Variants in DHRS4L2 observed in about 807,000 individuals in gnomAD.
DHRS4L2 encodes dehydrogenase/reductase 4 like 2, also known as dehydrogenase/reductase SDR family member 4-like 2.
In DHRS4L2, 22 loss-of-function variants were observed where a neutral mutation model predicts 23.9. The observed-to-expected ratio is 0.92, with a 90% CI of 0.66 to 1.31. The LOEUF (loss-of-function observed/expected upper bound fraction) is 1.31, where lower values mean the gene tolerates loss of function less well. Among genes scored for constraint, DHRS4L2 ranks in the 40% most tolerant of loss-of-function variants. The pLI is 0.00. For missense variants in DHRS4L2, 385 were observed against 303.3 expected (o/e 1.27, Z -2.00); for synonymous variants, 141 against 123.7 (o/e 1.14, Z -0.93).
chr14:23,973,200 T>C (rs1297596880), intron 1 of DHRS4L2, among the ~76,000 whole-genome samples: 1 of 151,938 alleles, frequency 6.6e-6, no homozygotes, highest in Non-Finnish European at 1.5e-5. Flanking sequence ...CATGAGGCCA[T>C]ATTTCAGACT....
At position 23,977,884 on chromosome 14, in the gene DHRS4L2, C is replaced by A. The variant is rs142132089; in HGVS notation, c.-176+7552C>A. 9.2e-4 allele frequency among the ~76,000 whole-genome samples: 139 copies of A among 151,746 alleles called. 1 individual carries two copies. The highest frequency in any genetic ancestry group is 3.4e-3 in the Middle Eastern group (1 of 294). The stretch of plus-strand genomic sequence containing the variant: ...GTATCCTTCCCAAAAATAAACACTG[C>A]GTATAACTGATCAAATGGCTGTAAC... On this transcript the variant is annotated intron_variant, in intron 1 of 5. Transcript: ENST00000534993.
chr14:24,000,825 T>C (rs768414851), intron 3 of DHRS4L2, 38 bp from the exon 4 acceptor site: 2 of 1,577,936 alleles, frequency 1.3e-6, no homozygotes, highest in Non-Finnish European at 1.7e-6. Context: ...TCCAGTGCTC[T>C]TCACTCATGC....
Position 24,006,288 on chromosome 14 carries a change from T to C in DHRS4L2, c.*425T>C. The C allele has an allele frequency of 2.3e-6, 1 of 431,900 alleles. No individual in the cohort carries two copies. The highest frequency in any genetic ancestry group is 3.9e-6 in the Non-Finnish European group (1 of 259,068). 26.8% of individuals were successfully genotyped at this position (431,900 alleles called of 1,614,324 possible). A position where few individuals can be genotyped will look rare whatever the true frequency, so the allele number is the denominator to read the frequency against. On this transcript the variant is annotated 3_prime_UTR_variant, in exon 8 of 8. Transcript: ENST00000335125. Reference sequence around the variant, plus strand: ...ACCAAGATATTTTTTCCTGGGCCACTGGGGAATCTGAGGGGTGATGGGAGA... The same window carrying C: ...ACCAAGATATTTTTTCCTGGGCCACCGGGGAATCTGAGGGGTGATGGGAGA...
At chr14:23,989,500 A>G (rs2034221293) in intron 1 of DHRS4L2, among the ~76,000 whole-genome samples, 1 of 151,502 alleles carries the variant, frequency 6.6e-6, no homozygotes, top group African/African-American at 2.4e-5. Context: ...CCCCTTACCT[A>G]GATGGGACAC....
rs531339647 is a variant in DHRS4L2, at chr14:23,988,935, G to C, written c.-13G>C. ...GCTGGAAGGAGTGGAACCCAGACTTGCTGGTCTGATCCATGCAGATGGCCA... is the reference window on the plus strand; with the variant it reads ...GCTGGAAGGAGTGGAACCCAGACTTCCTGGTCTGATCCATGCAGATGGCCA... On this transcript the variant is annotated 5_prime_UTR_variant, in exon 1 of 8. Coordinates refer to ENST00000335125, the MANE Select transcript of DHRS4L2 (RefSeq NM_198083.4). 1 of 1,611,310 alleles carries C rather than the reference G, an allele frequency of 6.2e-7. No homozygotes were observed. The highest frequency in any genetic ancestry group is 1.1e-5 in the South Asian group (1 of 90,840).
chr14:23,983,397 A>G (rs2034086414), intron 1 of DHRS4L2, among the ~76,000 whole-genome samples: 2 of 151,728 alleles, frequency 1.3e-5, no homozygotes, highest in South Asian at 4.2e-4. Context: ...GCTGGAGAGG[A>G]TGTGGAGAAA....
rs1302806499 is a variant in DHRS4L2, at chr14:24,006,327, G to C, written c.*464G>C. On this transcript the variant is annotated 3_prime_UTR_variant, in exon 8 of 8. Coordinates refer to ENST00000335125, the MANE Select transcript of DHRS4L2 (RefSeq NM_198083.4). ...GGTGATGGGAGAGAAGGAACCTGGA[G>C]TGGAAGGAGCAGAGTTGCAAATTAA... 5 of 320,432 alleles carry C rather than the reference G, an allele frequency of 1.6e-5. No individual in the cohort carries two copies. Among genetic ancestry groups the C allele is most frequent in the Non-Finnish European group, 1.7e-5 (3 of 173,052 alleles). 19.8% of individuals were successfully genotyped at this position (320,432 alleles called of 1,614,324 possible). A position where few individuals can be genotyped will look rare whatever the true frequency, so the allele number is the denominator to read the frequency against.
chr14:23,991,607 T>C (rs1453074652), intron 2 of DHRS4L2, among the ~76,000 whole-genome samples: 1 of 151,434 alleles, frequency 6.6e-6, no homozygotes, highest in Non-Finnish European at 1.5e-5. Context: ...CTCTGCAAAA[T>C]GAGCAGACAG....
At chr14:23,996,422 G>C (rs2034383471) in intron 3 of DHRS4L2, among the ~76,000 whole-genome samples, 1 of 151,142 alleles carries the variant, frequency 6.6e-6, no homozygotes, top group Admixed American at 6.6e-5. Flanking sequence ...ATTCTAGTTT[G>C]AGCTAGTTTG....
chr14:23,971,251 T>TGA (rs1374562447), intron 1 of DHRS4L2, among the ~76,000 whole-genome samples: 1 of 151,556 alleles, frequency 6.6e-6, no homozygotes. Context: ...CTAAAAACCT[T>TGA]CAAAAAAAGG....
intron 1 of DHRS4L2, among the ~76,000 whole-genome samples, chr14:23,972,404 G>C (rs898785624): frequency 6.6e-6 from 1 of 151,954 alleles, no homozygotes; most frequent in East Asian, 1.9e-4. Context: ...TGGTGGGTTC[G>C]TGGCCTCACT....
chr14:24,001,110 C>T, intron 5 of DHRS4L2, 26 bp downstream of exon 5: 2 of 1,610,288 alleles, frequency 1.2e-6, no homozygotes, highest in Non-Finnish European at 1.7e-6. Context: ...TCTACCTCTT[C>T]CATCCCACCC....
At chr14:23,988,740 G>T (rs1395663385), upstream of DHRS4L2, 7 of 1,365,502 alleles carry the variant, frequency 5.1e-6, 2 homozygotes. Context: ...AGCCCGGGAA[G>T]GCAAGCCCCA....
chr14:23,994,751 G>T (rs1018447506), intron 2 of DHRS4L2, among the ~76,000 whole-genome samples: 1 of 151,744 alleles, frequency 6.6e-6, no homozygotes, highest in African/African-American at 2.4e-5. Flanking sequence ...CAAAAAAGAT[G>T]TTTTAAGAAA....
At chr14:23,990,406 G>T in intron 2 of DHRS4L2, 47 bp downstream of exon 2, 1 of 1,559,060 alleles carries the variant, frequency 6.4e-7, no homozygotes, top group Non-Finnish European at 8.7e-7. Flanking sequence ...GGAAAAGGAA[G>T]CCAGCCTGAG....
At chr14:23,985,093 A>T (rs1302443454), upstream of DHRS4L2, among the ~76,000 whole-genome samples, 1 of 151,512 alleles carries the variant, frequency 6.6e-6, no homozygotes, top group African/African-American at 2.4e-5. Flanking sequence ...GATAACCTCA[A>T]GGAGCACAGC....
At chr14:23,990,413 T>C in intron 2 of DHRS4L2, 54 bp downstream of exon 2, 1 of 1,551,056 alleles carries the variant, frequency 6.4e-7, no homozygotes, top group Non-Finnish European at 8.7e-7. Flanking sequence ...GAAGCCAGCC[T>C]GAGCCTCCTT....
chr14:23,988,143 A>T (rs55714428), upstream of DHRS4L2, among the ~76,000 whole-genome samples: 3,361 of 151,032 alleles, frequency 0.022, 104 homozygotes, highest in Middle Eastern at 0.054. Flanking sequence ...TGCATTCAAC[A>T]AATATTTATT....
chr14:23,992,570 C>T (rs2034291919), intron 2 of DHRS4L2, among the ~76,000 whole-genome samples: 1 of 151,234 alleles, frequency 6.6e-6, no homozygotes, highest in Non-Finnish European at 1.5e-5. Context: ...GAGTAGCTGC[C>T]TATCTGCTTG....
Sources: allele counts gnomAD v4.1 joint callset (sites outside exome capture counted in the v4.1 genomes callset), GRCh38; gene constraint gnomAD v4.1.1; transcripts MANE v1.5; gene names NCBI Gene and HGNC (gene_info 2026-07-23, HGNC 2026-07-21).